Variants in INTS1 observed in about 807,000 individuals in gnomAD.
INTS1 encodes integrator complex subunit 1.
In INTS1, 137 loss-of-function variants were observed where a neutral mutation model predicts 241.6. The ratio of observed to expected loss-of-function variants is 0.57; its 90% CI spans 0.49 to 0.65. The LOEUF (loss-of-function observed/expected upper bound fraction) is 0.65, where lower values mean the gene tolerates loss of function less well. Ranked by LOEUF, INTS1 falls within the 30% of genes least tolerant of loss-of-function variation. The pLI is 0.00. For missense variants in INTS1, 3,073 were observed against 3,032.2 expected (o/e 1.01, Z -0.32); for synonymous variants, 1,692 against 1,337.8 (o/e 1.26, Z -5.78).
Position 1,497,041 on chromosome 7 carries a change from C to T in INTS1, c.1602+97G>A, listed in dbSNP as rs1393755006. 23 of 1,259,608 alleles carry T rather than the reference C, an allele frequency of 1.8e-5. No individual in the cohort carries two copies. The highest frequency in any genetic ancestry group is 4.5e-5 in the African/African-American group (3 of 66,382). 78.0% of individuals were successfully genotyped at this position (1,259,608 alleles called of 1,614,324 possible). A position where few individuals can be genotyped will look rare whatever the true frequency, so the allele number is the denominator to read the frequency against. On this transcript the variant is annotated intron_variant, in intron 11 of 47. Coordinates refer to ENST00000404767, the MANE Select transcript of INTS1 (RefSeq NM_001080453.3). This position sits in a 1 kb window ranked among gnomAD's most constrained non-coding sequence, Gnocchi z 5.3. ...CGTACCCACGCTCAGCCAGAGCATC[C>T]GAAGGGGTGGAGTGTGCATGGGACC...
At chr7:1,473,437 G>A (rs1781568106) in intron 42 of INTS1, 129 bp downstream of exon 42, 29 of 1,222,982 alleles carry the variant, frequency 2.4e-5, no homozygotes, top group South Asian at 1.6e-4. Flanking sequence ...TGAGCACCAC[G>A]CTCAGCAGCC....
chr7:1,498,253 C>G, intron 10 of INTS1, 159 bp downstream of exon 10: 4 of 1,149,010 alleles, frequency 3.5e-6, no homozygotes, highest in Non-Finnish European at 4.9e-6. Flanking sequence ...ACGGCTCAAC[C>G]TCATGCCCAC....
In INTS1 at chr7:1,489,371, T is replaced by G. The variant is rs1782440927; in HGVS notation, c.2291A>C (p.Lys764Thr). 9.5e-7 allele frequency: 1 copy of G among 1,049,472 alleles called. No homozygotes were observed. Among genetic ancestry groups the G allele is most frequent in the Non-Finnish European group, 1.2e-6 (1 of 847,474 alleles). 65.0% of individuals were successfully genotyped at this position (1,049,472 alleles called of 1,614,324 possible). A position where few individuals can be genotyped will look rare whatever the true frequency, so the allele number is the denominator to read the frequency against. ...LAAWEEYPTL[K>T]MLMEMVMTNN... The stretch of plus-strand genomic sequence containing the variant: ...GGTCATCACCATCTCCATGAGCATC[T>G]TCAGGGTCGGGTACTCCTCCCACGC... The change falls in exon 18 of 48, where the codon AAG becomes ACG. Residue 764 changes from lysine to threonine, a missense_variant. By Grantham distance (78) the Lys-to-Thr change is moderately conservative. Coordinates refer to ENST00000404767, the MANE Select transcript of INTS1 (RefSeq NM_001080453.3).
chr7:1,478,663 C>A, intron 32 of INTS1, 63 bp downstream of exon 32: 4 of 1,494,432 alleles, frequency 2.7e-6, no homozygotes, highest in South Asian at 1.3e-5. Context: ...GGCAGCTTGG[C>A]CACTCTGAGT....
At chr7:1,501,864 CCCAGG>C (rs1307216610) in intron 3 of INTS1, among the ~76,000 whole-genome samples, 17 of 152,182 alleles carry the variant, frequency 1.1e-4, no homozygotes, top group African/African-American at 4.1e-4. Flanking sequence ...GCGTGTGCTG[CCCAGG>C]CCAGGCCAGG....
In INTS1 at chr7:1,482,706, G is replaced by A. The variant is rs73275942; in HGVS notation, c.3543C>T (p.Ala1181=). The A allele has an allele frequency of 5.9e-3, 9,473 of 1,612,358 alleles. 337 individuals carry two copies. The African/African-American group carries it at 0.092, about 16-fold the overall frequency. Residue 1181 remains alanine, a splice_region_variant and synonymous_variant, in exon 27 of 48, where the codon GCC becomes GCT. Coordinates refer to ENST00000404767, the MANE Select transcript of INTS1 (RefSeq NM_001080453.3). The part of the protein sequence containing the change: ...VILLTLGPPR[A]DDSEFQALLD... ...GCAGCGCCTGGAACTCGCTGTCGTC[G>A]GCTTCAGGAAGGACAACGGGTGAGC...
intron 8 of INTS1, 50 bp from the exon 9 acceptor site, chr7:1,498,902 G>A (rs1372978947): frequency 6.4e-7 from 1 of 1,552,520 alleles, no homozygotes; most frequent in South Asian, 1.2e-5. Flanking sequence ...CCGGCAGGAA[G>A]ACCACGCTGT....
chr7:1,481,178 G>A lies in INTS1; in HGVS notation c.3850+164C>T. 2 of 859,526 alleles carry A rather than the reference G, an allele frequency of 2.3e-6. No homozygotes were observed. Among genetic ancestry groups the A allele is most frequent in the Non-Finnish European group, 3.8e-6 (2 of 531,960 alleles). The allele number at this position is 859,526 out of a possible 1,614,324, so 53.2% of individuals were successfully genotyped here. On this transcript the variant is annotated intron_variant, in intron 28 of 47. Coordinates refer to ENST00000404767, the MANE Select transcript of INTS1 (RefSeq NM_001080453.3). This position sits in a 1 kb window ranked among gnomAD's most constrained non-coding sequence, Gnocchi z 6.8. ...CCCAGGCCTCGGCTCCCTCCTGACT[G>A]TGCCAGCCTCACCAACCCACAGGTC... is the stretch of plus-strand genomic sequence containing the variant.
At chr7:1,482,282 C>G in intron 27 of INTS1, 1 of 366,582 alleles carries the variant, frequency 2.7e-6, no homozygotes. Flanking sequence ...TTTTTTCCAT[C>G]GAGGACCTGT....
At position 1,495,505 on chromosome 7, in the gene INTS1, C is replaced by T; in HGVS notation, c.1760G>A (p.Arg587Gln). Residue 587 changes from arginine (R) to glutamine (Q), a missense_variant, in exon 13 of 48, where the codon CGG becomes CAG. Physicochemically the swap from Arg to Gln is conservative, Grantham distance 43 (BLOSUM62 1). Coordinates refer to ENST00000404767, the MANE Select transcript of INTS1 (RefSeq NM_001080453.3). ...AGTGTGGAGCCACCAGACGGCATCC[C>T]GCTGGATGGCGGCAATCTGGTTCTG... is the stretch of plus-strand genomic sequence containing the variant. ...SFQNQIAAIQRDAVWWLHTVV... is the reference protein window; with the variant it reads ...SFQNQIAAIQQDAVWWLHTVV... 1 of 1,612,578 alleles carries T rather than the reference C, an allele frequency of 6.2e-7. No homozygotes were observed. Among genetic ancestry groups the T allele is most frequent in the Non-Finnish European group, 8.5e-7 (1 of 1,179,682 alleles).
Position 1,477,809 on chromosome 7 carries a change from C to A in INTS1, c.4758G>T (p.Leu1586=), listed in dbSNP as rs372179887. ...ACKPVVVVSS[L]LLQEEEPLAG... ...CCAGGGGCTCCTCCTCCTGCAGCAG[C>A]AGGGAGCTCACCACCACAACGGGCT... is the stretch of plus-strand genomic sequence containing the variant. Residue 1586 remains leucine (L), a synonymous_variant, in exon 34 of 48, where the codon CTG becomes CTT. Transcript: ENST00000404767. 1.6e-4 allele frequency: 256 copies of A among 1,612,578 alleles called. No homozygotes were observed. The highest frequency in any genetic ancestry group is 2.0e-4 in the Non-Finnish European group (238 of 1,179,836).
chr7:1,478,534 T>C, intron 32 of INTS1, 28 bp from the exon 33 acceptor site: 1 of 1,602,652 alleles, frequency 6.2e-7, no homozygotes, highest in Admixed American at 1.7e-5. Context: ...GAGTGCCCTG[T>C]GGCTCCAGCC....
At chr7:1,478,026 G>T (rs1167657688) in intron 33 of INTS1, 90 bp from the exon 34 acceptor site, 15 of 1,049,488 alleles carry the variant, frequency 1.4e-5, no homozygotes, top group Non-Finnish European at 2.2e-5. Context: ...GGGGTGTGGG[G>T]TGAGCATGTG....
At chr7:1,486,270 T>C (rs997736734) in intron 22 of INTS1, among the ~76,000 whole-genome samples, 2 of 135,802 alleles carry the variant, frequency 1.5e-5, no homozygotes, top group African/African-American at 6.4e-5. Context: ...CATTTATTTA[T>C]TTTTTTTTTT....
At chr7:1,477,962 G>A in intron 33 of INTS1, 26 bp from the exon 34 acceptor site, 1 of 1,608,020 alleles carries the variant, frequency 6.2e-7, no homozygotes, top group Non-Finnish European at 8.5e-7. Context: ...AGAGACATGT[G>A]GGTCACTCCC....
At chr7:1,479,339 C>T (rs186247300) in intron 31 of INTS1, 91 bp downstream of exon 31, 3 of 1,413,082 alleles carry the variant, frequency 2.1e-6, no homozygotes, top group Admixed American at 2.4e-5. Context: ...CCAAGACCCA[C>T]AGAGGAGCAG....
chr7:1,499,416 C>T, intron 6 of INTS1, 56 bp from the exon 7 acceptor site: 1 of 1,549,770 alleles, frequency 6.5e-7, no homozygotes. Flanking sequence ...ATCCTCCCAC[C>T]CCTCCCCTGC....
chr7:1,500,044 C>T (rs996936665), intron 4 of INTS1, 23 bp from the exon 5 acceptor site: 6 of 1,594,630 alleles, frequency 3.8e-6, no homozygotes, highest in South Asian at 3.3e-5. Context: ...GCGCATGTCA[C>T]GTGGGAGCTT....
intron 14 of INTS1, 104 bp from the exon 15 acceptor site, chr7:1,494,015 G>T: frequency 1.5e-6 from 2 of 1,363,208 alleles, no homozygotes; most frequent in Non-Finnish European, 2.0e-6. Context: ...CGGGCTGGTG[G>T]CAGAGGGCTG....
Sources: allele counts gnomAD v4.1 joint callset (sites outside exome capture counted in the v4.1 genomes callset), GRCh38; gene constraint gnomAD v4.1.1; non-coding constraint Gnocchi (gnomAD v3.1); transcripts MANE v1.5; gene names NCBI Gene and HGNC (gene_info 2026-07-23, HGNC 2026-07-21).